The following TRAF3 variants were observed in gnomAD, a reference collection of about 807,000 sequenced individuals.
The protein encoded by TRAF3 is TNF receptor associated factor 3.
TRAF3 carries 13 observed loss-of-function variants against 62.3 expected under a neutral mutation model. That is an observed-to-expected ratio of 0.21 (90% CI 0.14 to 0.33). The LOEUF is 0.33. TRAF3 is among the 10% of genes least tolerant of loss of function. The probability of loss-of-function intolerance (pLI) is 1.00; values close to 1 mark genes in which losing one functional copy is unlikely to be tolerated. For missense variants in TRAF3, 440 were observed against 741.8 expected (o/e 0.59, Z 4.73); for synonymous variants, 269 against 283.4 (o/e 0.95, Z 0.51).
At position 102,876,525 on chromosome 14, in the gene TRAF3, G is replaced by T; in HGVS notation, c.570G>T (p.Gln190His). 6.2e-7 allele frequency: 1 copy of T among 1,613,166 alleles called. No homozygotes were observed. Among genetic ancestry groups the T allele is most frequent in the Non-Finnish European group, 8.5e-7 (1 of 1,179,770 alleles). Reference sequence around the variant, plus strand: ...GTCAGGTTCCGATGATCGCGCTGCAGGTGCGGGTCCTCCCATTCCACAGGC... The same window carrying T: ...GTCAGGTTCCGATGATCGCGCTGCATGTGCGGGTCCTCCCATTCCACAGGC... ...CKSQVPMIALQKHEDTDCPCV... is the reference protein window; with the variant it reads ...CKSQVPMIALHKHEDTDCPCV... Residue 190 changes from glutamine (Q) to histidine (H), a missense_variant and splice_region_variant, in exon 6 of 12, where the codon CAG becomes CAT. By Grantham distance (24) the Gln-to-His change is conservative. Coordinates refer to ENST00000392745, the MANE Select transcript of TRAF3 (RefSeq NM_145725.3).
At chr14:102,843,784 G>T (rs1886525009) in intron 2 of TRAF3, among the ~76,000 whole-genome samples, 2 of 152,046 alleles carry the variant, frequency 1.3e-5, no homozygotes, top group Admixed American at 6.6e-5. Context: ...CTCCAGCCTG[G>T]GTGACAGAGT....
chr14:102,817,711 A>G (rs112628260), intron 1 of TRAF3, among the ~76,000 whole-genome samples: 5,007 of 152,302 alleles, frequency 0.033, 272 homozygotes, highest in African/African-American at 0.11. Context: ...AAAATGTAAT[A>G]CTTCATATCC....
chr14:102,777,955 C>T (rs1897095242), intron 1 of TRAF3, among the ~76,000 whole-genome samples: 1 of 150,304 alleles, frequency 6.7e-6, no homozygotes, highest in African/African-American at 2.4e-5. Flanking sequence ...GGCCGGGGCG[C>T]CCGCACCTTT....
At chr14:102,861,910 A>G (rs1041328754) in intron 2 of TRAF3, among the ~76,000 whole-genome samples, 2 of 152,200 alleles carry the variant, frequency 1.3e-5, no homozygotes, top group African/African-American at 2.4e-5. Context: ...TTTGTGGTTG[A>G]GTTATAAGAG....
Position 102,870,097 on chromosome 14 carries a change from A to G in TRAF3, c.-17-88A>G. The G allele has an allele frequency of 1.4e-5, 22 of 1,529,216 alleles. 1 individual carries two copies. The South Asian group carries it at 2.3e-4, about 16-fold the overall frequency. 94.7% of individuals were successfully genotyped at this position (1,529,216 alleles called of 1,614,324 possible). On this transcript the variant is annotated intron_variant, in intron 2 of 11. Coordinates refer to ENST00000392745, the MANE Select transcript of TRAF3 (RefSeq NM_145725.3). ...GTGTTGCCTAAAACTGAAAGACAGC[A>G]GGTCTCAGGCACTTTTGCTTTCCCA...
intron 6 of TRAF3, among the ~76,000 whole-genome samples, chr14:102,882,838 A>G (rs1889147784): frequency 1.3e-5 from 2 of 152,208 alleles, no homozygotes; most frequent in African/African-American, 4.8e-5. Context: ...AGCTATTTTC[A>G]GGTTTTATTA....
At chr14:102,857,633 C>G (rs1341004208) in intron 2 of TRAF3, among the ~76,000 whole-genome samples, 1 of 152,182 alleles carries the variant, frequency 6.6e-6, no homozygotes, top group Non-Finnish European at 1.5e-5. Flanking sequence ...CGGAAAGTGA[C>G]ATTCTTTACT....
At chr14:102,861,787 T>C (rs1245067929) in intron 2 of TRAF3, among the ~76,000 whole-genome samples, 1 of 152,248 alleles carries the variant, frequency 6.6e-6, no homozygotes, top group Non-Finnish European at 1.5e-5. Context: ...ATTTGTATTT[T>C]CTTAATGATA....
chr14:102,886,226 C>G lies in TRAF3; in HGVS notation c.608C>G (p.Ser203Cys), dbSNP rs747742014. ...ACCGACTGTCCCTGCGTGGTGGTGT[C>G]CTGCCCTCACAAGTGCAGCGTCCAG... ...EDTDCPCVVVSCPHKCSVQTL... is the reference protein window; with the variant it reads ...EDTDCPCVVVCCPHKCSVQTL... The change falls in exon 7 of 12, where the codon TCC becomes TGC. Residue 203 changes from serine (S) to cysteine (C), a missense_variant. By Grantham distance (112) the Ser-to-Cys change is moderately radical. Around this residue, in one of 6 missense-constraint regions of TRAF3, gnomAD observed 255 missense variants for 424.1 expected, o/e 0.60. Transcript: ENST00000392745. 3 of 1,612,900 alleles carry G rather than the reference C, an allele frequency of 1.9e-6. No homozygotes were observed. The Admixed American group carries it at 5.0e-5, about 27-fold the overall frequency.
intron 1 of TRAF3, among the ~76,000 whole-genome samples, chr14:102,800,564 A>T (rs992826546): frequency 6.6e-6 from 1 of 152,174 alleles, no homozygotes; most frequent in Admixed American, 6.6e-5. Flanking sequence ...TGAAAATGGA[A>T]TGTTTTTTCA....
chr14:102,824,904 C>T (rs1327830230), intron 1 of TRAF3, among the ~76,000 whole-genome samples: 1 of 152,214 alleles, frequency 6.6e-6, no homozygotes, highest in Non-Finnish European at 1.5e-5. Context: ...TTTGAGACAG[C>T]TAATCCTTTT....
intron 2 of TRAF3, among the ~76,000 whole-genome samples, chr14:102,833,914 G>T (rs562641350): frequency 6.6e-6 from 1 of 151,856 alleles, no homozygotes; most frequent in Admixed American, 6.6e-5. Context: ...GCTTGAACCC[G>T]GGAGGCGGAG....
chr14:102,785,916 T>C (rs189769752), intron 1 of TRAF3, among the ~76,000 whole-genome samples: 3 of 152,270 alleles, frequency 2.0e-5, no homozygotes, highest in Non-Finnish European at 2.9e-5. Context: ...AGTTGGCCCT[T>C]GTTGGGTGGA....
At chr14:102,864,512 T>G (rs999168417) in intron 2 of TRAF3, among the ~76,000 whole-genome samples, 1 of 152,194 alleles carries the variant, frequency 6.6e-6, no homozygotes. Context: ...TACTCAGCCA[T>G]TTTTGTGGAC....
chr14:102,799,517 C>T (rs1020672196), intron 1 of TRAF3, among the ~76,000 whole-genome samples: 2 of 152,132 alleles, frequency 1.3e-5, no homozygotes, highest in Non-Finnish European at 2.9e-5. Context: ...ATGGTGCGAT[C>T]TCTGCTCGCT....
In TRAF3 at chr14:102,870,237, G is replaced by A. The variant is rs199639339; in HGVS notation, c.36G>A (p.Ala12=). The change falls in exon 3 of 12, where the codon GCG becomes GCA. Residue 12 remains alanine, a synonymous_variant. Transcript: ENST00000392745. ...GTAAAAAGATGGACTCTCCTGGCGC[G>A]CTGCAGACTAACCCGCCGCTAAAGC... is the stretch of plus-strand genomic sequence containing the variant. The part of the protein sequence containing the change: ...ESSKKMDSPG[A]LQTNPPLKLH... The A allele has an allele frequency of 6.3e-5, 102 of 1,614,028 alleles. No homozygotes were observed. Among genetic ancestry groups the A allele is most frequent in the Non-Finnish European group, 8.2e-5 (97 of 1,179,974 alleles).
intron 1 of TRAF3, among the ~76,000 whole-genome samples, chr14:102,778,077 C>T (rs1407323023): frequency 6.6e-6 from 1 of 150,388 alleles, no homozygotes; most frequent in Non-Finnish European, 1.5e-5. Flanking sequence ...GGCTCAGGGG[C>T]TGCGTGGCCG....
At chr14:102,820,884 C>G (rs1899943161) in intron 1 of TRAF3, among the ~76,000 whole-genome samples, 1 of 151,702 alleles carries the variant, frequency 6.6e-6, no homozygotes, top group Non-Finnish European at 1.5e-5. Context: ...ATCCTCCTGG[C>G]TCAGCCTCCC....
At chr14:102,811,764 T>A (rs1899179414) in intron 1 of TRAF3, among the ~76,000 whole-genome samples, 1 of 144,338 alleles carries the variant, frequency 6.9e-6, no homozygotes, top group Non-Finnish European at 1.5e-5. Flanking sequence ...TGTGTGTGTT[T>A]GTACAGACTG....
Sources: allele counts gnomAD v4.1 joint callset (sites outside exome capture counted in the v4.1 genomes callset), GRCh38; gene constraint gnomAD v4.1.1; regional missense constraint gnomAD v4.1.1; transcripts MANE v1.5; gene names NCBI Gene and HGNC (gene_info 2026-07-23, HGNC 2026-07-21).